Variants in PBX3 observed in about 807,000 individuals in gnomAD.
PBX3 encodes the protein pre-B-cell leukemia transcription factor 3.
In PBX3, 14 loss-of-function variants were observed where a neutral mutation model predicts 48.5. That is an observed-to-expected ratio of 0.29 (90% CI 0.19 to 0.45). PBX3 has a LOEUF of 0.45. Among genes scored for constraint, PBX3 ranks in the 20% least tolerant of loss-of-function variants. PBX3 has a pLI of 1.00. For synonymous variants in PBX3, 210 were observed against 200.3 expected (o/e 1.05, Z -0.41); for missense variants, 386 against 546.7 (o/e 0.71, Z 2.93).
chr9:125,767,291 A>G (rs1836824966), intron 2 of PBX3, among the ~76,000 whole-genome samples: 1 of 152,226 alleles, frequency 6.6e-6, no homozygotes, highest in Non-Finnish European at 1.5e-5. Context: ...TCATCATTAA[A>G]CCAATGGCAT....
At chr9:125,911,592 G>A (rs1192686452) in intron 2 of PBX3, among the ~76,000 whole-genome samples, 1 of 151,984 alleles carries the variant, frequency 6.6e-6, no homozygotes, top group Non-Finnish European at 1.5e-5. Context: ...ATCTCATCTG[G>A]CCTTGTTTTA....
At chr9:125,809,321 G>A (rs1253719465) in intron 2 of PBX3, among the ~76,000 whole-genome samples, 1 of 152,028 alleles carries the variant, frequency 6.6e-6, no homozygotes, top group Non-Finnish European at 1.5e-5. Context: ...TAAATATAGA[G>A]TGACTTTATT....
intron 2 of PBX3, among the ~76,000 whole-genome samples, chr9:125,851,552 A>G (rs577923218): frequency 2.5e-4 from 38 of 152,252 alleles, no homozygotes; most frequent in South Asian, 1.9e-3. Context: ...GTTGGCCTAA[A>G]AAATACTTCA....
At chr9:125,874,598 A>G (rs1840205181) in intron 2 of PBX3, among the ~76,000 whole-genome samples, 1 of 152,154 alleles carries the variant, frequency 6.6e-6, no homozygotes, top group Admixed American at 6.5e-5. Context: ...ACTCTACCCA[A>G]TAAGAGCAGA....
intron 2 of PBX3, chr9:125,844,754 C>A (rs1473940261): frequency 2.0e-5 from 3 of 152,110 alleles, no homozygotes; most frequent in African/African-American, 7.2e-5. Flanking sequence ...AACACCAGCA[C>A]CTTATGGCAC....
intron 2 of PBX3, among the ~76,000 whole-genome samples, chr9:125,808,000 T>C (rs1162872198): frequency 1.3e-5 from 2 of 152,218 alleles, no homozygotes; most frequent in Non-Finnish European, 2.9e-5. Flanking sequence ...CCACTTTTCA[T>C]GTAGATAGAT....
chr9:125,955,919 A>T (rs1367929899), intron 5 of PBX3, among the ~76,000 whole-genome samples: 1 of 152,204 alleles, frequency 6.6e-6, no homozygotes, highest in African/African-American at 2.4e-5. Flanking sequence ...TACAGTATTG[A>T]CTATAGCAGA....
intron 2 of PBX3, among the ~76,000 whole-genome samples, chr9:125,864,198 G>T (rs1303528338): frequency 6.6e-6 from 1 of 152,174 alleles, no homozygotes; most frequent in Non-Finnish European, 1.5e-5. Flanking sequence ...AAAATTTTGT[G>T]ACTTGGAACC....
intron 2 of PBX3, among the ~76,000 whole-genome samples, chr9:125,822,801 T>C (rs1385216350): frequency 6.6e-6 from 1 of 152,124 alleles, no homozygotes; most frequent in African/African-American, 2.4e-5. Flanking sequence ...GCTTATTATA[T>C]TGAGTTATTA....
At position 125,811,730 on chromosome 9, in the gene PBX3, A is replaced by G. The variant is rs555525734; in HGVS notation, c.274+63107A>G. The stretch of plus-strand genomic sequence containing the variant: ...GGTGAGTGTTCATTTTCTCATTTGC[A>G]GATGTCTACCTTCCTGCTGTATCCT... On this transcript the variant is annotated intron_variant, in intron 2 of 8. Coordinates refer to ENST00000373489, the MANE Select transcript of PBX3 (RefSeq NM_006195.6). Among the ~76,000 whole-genome samples the G allele has an allele frequency of 2.0e-5, 3 of 152,194 alleles. No homozygotes were observed. In the South Asian group the frequency reaches 6.2e-4, roughly 32 times the overall value.
At chr9:125,784,017 CAAAA>C (rs561637227) in intron 2 of PBX3, among the ~76,000 whole-genome samples, 238 of 152,114 alleles carry the variant, frequency 1.6e-3, no homozygotes, top group African/African-American at 5.4e-3. Flanking sequence ...AAAAAACAAA[CAAAA>C]ACCCTTACTT....
chr9:125,965,002 C>T lies in PBX3; in HGVS notation c.1213-829C>T, dbSNP rs1462723222. 3.3e-5 allele frequency among the ~76,000 whole-genome samples: 5 copies of T among 152,210 alleles called. No individual in the cohort carries two copies. The East Asian group carries it at 9.6e-4, about 29-fold the overall frequency. ...CTCACCTCCTCTCCAGAAAGGCCTGCCCCATCACTTCCACTCAGTGTTCCC... is the reference window on the plus strand; with the variant it reads ...CTCACCTCCTCTCCAGAAAGGCCTGTCCCATCACTTCCACTCAGTGTTCCC... On this transcript the variant is annotated intron_variant, in intron 8 of 8. Transcript: ENST00000373489.
At chr9:125,907,807 A>G (rs1285857937) in intron 2 of PBX3, among the ~76,000 whole-genome samples, 1 of 152,136 alleles carries the variant, frequency 6.6e-6, no homozygotes, top group African/African-American at 2.4e-5. Context: ...GGACTTAAAG[A>G]GAGACCCGTG....
In PBX3 at chr9:125,838,426, T is replaced by G. The variant is rs117738349; in HGVS notation, c.275-77260T>G. The stretch of plus-strand genomic sequence containing the variant: ...GACCTCTATAATTTGTATGAGTGAT[T>G]GCTACATCACACTACAAACTGCTTT... On this transcript the variant is annotated intron_variant, in intron 2 of 8. Transcript: ENST00000373489. Among the ~76,000 whole-genome samples the G allele has an allele frequency of 1.7e-4, 26 of 152,354 alleles. No homozygotes were observed. In the East Asian group the frequency reaches 5.0e-3, roughly 29 times the overall value.
At chr9:125,961,329 C>T (rs1387014856) in intron 6 of PBX3, among the ~76,000 whole-genome samples, 7 of 152,172 alleles carry the variant, frequency 4.6e-5, no homozygotes, top group African/African-American at 7.2e-5. Flanking sequence ...GCGGGGCTGA[C>T]GGCATGCTCA....
intron 3 of PBX3, among the ~76,000 whole-genome samples, chr9:125,916,221 C>T (rs1469311344): frequency 6.6e-6 from 1 of 152,184 alleles, no homozygotes; most frequent in African/African-American, 2.4e-5. Context: ...CTCACCTCAC[C>T]ACTTGGTGCT....
chr9:125,922,654 T>C (rs1044139457), intron 3 of PBX3, among the ~76,000 whole-genome samples: 2 of 152,216 alleles, frequency 1.3e-5, no homozygotes, highest in Non-Finnish European at 1.5e-5. Context: ...ATATTATAAA[T>C]AGCATCAATG....
rs2132210862 is a variant in PBX3, at chr9:125,835,859, A to T, written c.275-79827A>T. Among the ~76,000 whole-genome samples, 4 of 152,270 alleles carry T rather than the reference A, an allele frequency of 2.6e-5. No homozygotes were observed. In the South Asian group the frequency reaches 8.3e-4, roughly 31 times the overall value. ...AATCACCCTGCTGGGCATATATCCA[A>T]AAAAAAGGAAATCAGTATATCAAGA... On this transcript the variant is annotated intron_variant, in intron 2 of 8. Coordinates refer to ENST00000373489, the MANE Select transcript of PBX3 (RefSeq NM_006195.6).
At chr9:125,849,636 CA>C (rs1265634548) in intron 2 of PBX3, among the ~76,000 whole-genome samples, 2 of 151,928 alleles carry the variant, frequency 1.3e-5, no homozygotes, top group Non-Finnish European at 2.9e-5. Flanking sequence ...GTTTAATTGA[CA>C]TAAGTTTTTC....
Sources: allele counts gnomAD v4.1 joint callset (sites outside exome capture counted in the v4.1 genomes callset), GRCh38; gene constraint gnomAD v4.1.1; transcripts MANE v1.5; gene names NCBI Gene and HGNC (gene_info 2026-07-23, HGNC 2026-07-21).